The following CHD3 variants were observed in gnomAD, a reference collection of about 807,000 sequenced individuals.
CHD3 encodes the protein chromodomain helicase DNA binding protein 3.
In CHD3, 52 loss-of-function variants were observed where a neutral mutation model predicts 248.9. The ratio of observed to expected loss-of-function variants is 0.21; its 90% CI spans 0.17 to 0.26. The LOEUF (loss-of-function observed/expected upper bound fraction) is 0.26. Among genes scored for constraint, CHD3 ranks in the 10% least tolerant of loss-of-function variants. CHD3 has a pLI of 1.00. For missense variants in CHD3, 1,482 were observed against 2,605.8 expected (o/e 0.57, Z 9.39); for synonymous variants, 985 against 985.2 (o/e 1.00, Z 0.00).
At chr17:7,898,820 A>G (rs939454982) in intron 13 of CHD3, among the ~76,000 whole-genome samples, 191 bp from the exon 14 acceptor site, 10 of 152,056 alleles carry the variant, frequency 6.6e-5, no homozygotes, top group Admixed American at 1.3e-4. Flanking sequence ...GCCCTTCCCC[A>G]TGGTGCTGCT....
At position 7,905,508 on chromosome 17, in the gene CHD3, A is replaced by C; in HGVS notation, c.4139-113A>C. ...CTTGGGAGAGAATTGGGAGCACCTC[A>C]AACGTGACAGGAATGTTCCTGTGTT... On this transcript the variant is annotated intron_variant, in intron 26 of 39. Coordinates refer to ENST00000330494, the MANE Select transcript of CHD3 (RefSeq NM_001005273.3). The surrounding 1 kb of genome is among the most constrained non-coding windows in gnomAD (Gnocchi z 5.8). 1.2e-6 allele frequency: 1 copy of C among 816,486 alleles called. No homozygotes were observed. The highest frequency in any genetic ancestry group is 1.9e-6 in the Non-Finnish European group (1 of 520,072). The allele number at this position is 816,486 out of a possible 1,614,324, so 50.6% of individuals were successfully genotyped here.
chr17:7,894,468 G>T lies in CHD3; in HGVS notation c.1129G>T (p.Asp377Tyr). ...GEEEVDGYETDHQDYCEVCQQ... is the reference protein window; with the variant it reads ...GEEEVDGYETYHQDYCEVCQQ... Reference sequence around the variant, plus strand: ...GGAGGAGGTTGATGGCTACGAGACGGATCACCAGGATTACTGTGAGGTGTG... The same window carrying T: ...GGAGGAGGTTGATGGCTACGAGACGTATCACCAGGATTACTGTGAGGTGTG... The change falls in exon 8 of 40, where the codon GAT (aspartate) becomes TAT (tyrosine). Residue 377 changes from aspartate to tyrosine, a missense_variant. Asp to Tyr is a radical substitution (Grantham distance 160). This residue lies in a region of CHD3 where 138 missense variants were observed against 241.1 expected (regional missense o/e 0.57). Coordinates refer to ENST00000330494, the MANE Select transcript of CHD3 (RefSeq NM_001005273.3). 1 of 1,614,110 alleles carries T rather than the reference G, an allele frequency of 6.2e-7. No individual in the cohort carries two copies. Among genetic ancestry groups the T allele is most frequent in the Non-Finnish European group, 8.5e-7 (1 of 1,180,004 alleles).
Position 7,899,029 on chromosome 17 carries a change from A to T in CHD3, c.2170A>T (p.Thr724Ser), listed in dbSNP as rs762324024. The T allele has an allele frequency of 1.2e-6, 2 of 1,614,024 alleles. No individual in the cohort carries two copies. Among genetic ancestry groups the T allele is most frequent in the East Asian group, 4.5e-5 (2 of 44,878 alleles). Residue 724 changes from threonine to serine, a missense_variant, in exon 14 of 40, where the codon ACT becomes TCT. Physicochemically the swap from Thr to Ser is moderately conservative, Grantham distance 58 (BLOSUM62 1). Around this residue, in one of 20 missense-constraint regions of CHD3, gnomAD observed 127 missense variants for 188.3 expected, o/e 0.67. Coordinates refer to ENST00000330494, the MANE Select transcript of CHD3 (RefSeq NM_001005273.3). The surrounding 1 kb of genome is among the most constrained non-coding windows in gnomAD (Gnocchi z 6.8). ...TCTATAGCCTACCGTGAAATATGAG[A>T]CTCAGCCACGGTTTATCACAGCCAC... The part of the protein sequence containing the change: ...PTNDPTVKYE[T>S]QPRFITATGG...
chr17:7,910,600 C>G lies in CHD3; in HGVS notation c.5754+9C>G. 1 of 1,602,394 alleles carries G rather than the reference C, an allele frequency of 6.2e-7. No homozygotes were observed. Among genetic ancestry groups the G allele is most frequent in the Non-Finnish European group, 8.5e-7 (1 of 1,175,344 alleles). On this transcript the variant is annotated intron_variant, in intron 38 of 39. Coordinates refer to ENST00000330494, the MANE Select transcript of CHD3 (RefSeq NM_001005273.3). The surrounding 1 kb of genome is among the most constrained non-coding windows in gnomAD (Gnocchi z 4.7). The stretch of plus-strand genomic sequence containing the variant: ...AGCCTCACCCCACACCGGTAACCCT[C>G]TTTCCCCCTAGCTCCAGTTTTCCCT...
chr17:7,891,020 T>C lies in CHD3; in HGVS notation c.465T>C (p.Asp155=). 6.2e-7 allele frequency: 1 copy of C among 1,613,584 alleles called. No individual in the cohort carries two copies. The highest frequency in any genetic ancestry group is 1.7e-5 in the Admixed American group (1 of 59,976). The change falls in exon 4 of 40, where the codon GAT becomes GAC. Residue 155 remains aspartate (D), a synonymous_variant. Coordinates refer to ENST00000330494, the MANE Select transcript of CHD3 (RefSeq NM_001005273.3). ...EDVEHVFSEE[D]YHTLTNYKAF... is the part of the protein sequence containing the mutation. ...TGGAGCATGTGTTCTCTGAGGAGGA[T>C]TACCACACGCTCACCAACTACAAAG...
chr17:7,909,385 G>A lies in CHD3; in HGVS notation c.5590+47G>A. 4 of 1,498,940 alleles carry A rather than the reference G, an allele frequency of 2.7e-6. No individual in the cohort carries two copies. Among genetic ancestry groups the A allele is most frequent in the Non-Finnish European group, 3.6e-6 (4 of 1,121,828 alleles). 92.9% of individuals were successfully genotyped at this position (1,498,940 alleles called of 1,614,324 possible). Reference sequence around the variant, plus strand: ...CGCGGGGGAGGGCCCACAACGCTGCGTAAGTCTTCACCCCGCACCCCTCAA... The same window carrying A: ...CGCGGGGGAGGGCCCACAACGCTGCATAAGTCTTCACCCCGCACCCCTCAA... On this transcript the variant is annotated intron_variant, in intron 37 of 39. Transcript: ENST00000330494. The surrounding 1 kb of genome is among the most constrained non-coding windows in gnomAD (Gnocchi z 8.1).
Position 7,910,297 on chromosome 17 carries a change from G to C in CHD3, c.5591-131G>C. On this transcript the variant is annotated intron_variant, in intron 37 of 39. Coordinates refer to ENST00000330494, the MANE Select transcript of CHD3 (RefSeq NM_001005273.3). The surrounding 1 kb of genome is among the most constrained non-coding windows in gnomAD (Gnocchi z 4.7). ...TTACTTTCTTGATCTCTGGTTCTTT[G>C]ACATCTGTGTTCTCCTCTCTCGCTC... is the stretch of plus-strand genomic sequence containing the variant. 1 of 1,079,442 alleles carries C rather than the reference G, an allele frequency of 9.3e-7. No individual in the cohort carries two copies. The highest frequency in any genetic ancestry group is 1.4e-6 in the Non-Finnish European group (1 of 710,638). 66.9% of individuals were successfully genotyped at this position (1,079,442 alleles called of 1,614,324 possible). A position where few individuals can be genotyped will look rare whatever the true frequency, so the allele number is the denominator to read the frequency against.
rs775654737 is a variant in CHD3 at position 7,893,855 on chromosome 17, A to G, written c.844A>G (p.Lys282Glu). The change falls in exon 6 of 40, where the codon AAG becomes GAG. Residue 282 changes from lysine to glutamate, a missense_variant. Lys to Glu is a moderately conservative substitution (Grantham distance 56, BLOSUM62 1). This residue lies in a region of CHD3 where 149 missense variants were observed against 182.6 expected (regional missense o/e 0.82). Coordinates refer to ENST00000330494, the MANE Select transcript of CHD3 (RefSeq NM_001005273.3). The part of the protein sequence containing the change: ...SKSPRVPDGR[K>E]KLRGKKMAPL... ...GAGCCCCCGAGTGCCTGATGGACGC[A>G]AGAAGCTTCGGGGAAAGAAAATGGC... 2 of 1,613,726 alleles carry G rather than the reference A, an allele frequency of 1.2e-6. No homozygotes were observed. The highest frequency in any genetic ancestry group is 8.5e-7 in the Non-Finnish European group (1 of 1,179,872).
Position 7,910,553 on chromosome 17 carries a change from C to A in CHD3, c.5716C>A (p.Arg1906=), listed in dbSNP as rs751126466. 31 of 1,612,468 alleles carry A rather than the reference C, an allele frequency of 1.9e-5. No individual in the cohort carries two copies. The highest frequency in any genetic ancestry group is 4.0e-5 in the African/African-American group (3 of 74,924). The change falls in exon 38 of 40, where the codon CGG becomes AGG. Residue 1906 remains arginine (R), a synonymous_variant. Coordinates refer to ENST00000330494, the MANE Select transcript of CHD3 (RefSeq NM_001005273.3). The surrounding 1 kb of genome is among the most constrained non-coding windows in gnomAD (Gnocchi z 4.7). ...GATGTCCGAGCGCAGCATCCTCAGCCGGCTGGCCAGCAAGGGCACGGAGCC... is the reference window on the plus strand; with the variant it reads ...GATGTCCGAGCGCAGCATCCTCAGCAGGCTGGCCAGCAAGGGCACGGAGCC... ...LQMSERSILS[R]LASKGTEPHP... is the part of the protein sequence containing the mutation.
At position 7,904,758 on chromosome 17, in the gene CHD3, A is replaced by G. The variant is rs1970713824; in HGVS notation, c.4072+139A>G. On this transcript the variant is annotated intron_variant, in intron 25 of 39. Transcript: ENST00000330494. The surrounding 1 kb of genome is among the most constrained non-coding windows in gnomAD (Gnocchi z 4.4). The stretch of plus-strand genomic sequence containing the variant: ...CTGCTAAAAGGGAAAGACATAAGGT[A>G]GAGTCATTAGGAACTACCCAGAGGC... The G allele has an allele frequency of 1.1e-6, 1 of 872,180 alleles. No individual in the cohort carries two copies. The highest frequency in any genetic ancestry group is 2.7e-5 in the East Asian group (1 of 37,414). 54.0% of individuals were successfully genotyped at this position (872,180 alleles called of 1,614,324 possible). A position where few individuals can be genotyped will look rare whatever the true frequency, so the allele number is the denominator to read the frequency against.
chr17:7,894,897 G>A lies in CHD3; in HGVS notation c.1270-20G>A, dbSNP rs768816748. ...CTTAATTTCTTCCATCTGTCTGTGTGTCTATCCTTGGCCCCCTAGGAGAAG... is the reference window on the plus strand; with the variant it reads ...CTTAATTTCTTCCATCTGTCTGTGTATCTATCCTTGGCCCCCTAGGAGAAG... On this transcript the variant is annotated intron_variant, in intron 8 of 39. Coordinates refer to ENST00000330494, the MANE Select transcript of CHD3 (RefSeq NM_001005273.3). 3.1e-6 allele frequency: 5 copies of A among 1,611,688 alleles called. No individual in the cohort carries two copies. The highest frequency in any genetic ancestry group is 4.2e-6 in the Non-Finnish European group (5 of 1,179,418).
At position 7,907,304 on chromosome 17, in the gene CHD3, G is replaced by A. The variant is rs372817877; in HGVS notation, c.4789-49G>A. 4.6e-4 allele frequency: 736 copies of A among 1,612,894 alleles called. 8 individuals are homozygous for A. In the South Asian group the frequency reaches 7.7e-3, roughly 17 times the overall value. ...GGGAGGGGAGGGGGCTTGGAGGCCAGGTACCTGGGAGCCCTCTGGCTCATC... is the reference window on the plus strand; with the variant it reads ...GGGAGGGGAGGGGGCTTGGAGGCCAAGTACCTGGGAGCCCTCTGGCTCATC... On this transcript the variant is annotated intron_variant, in intron 31 of 39. Transcript: ENST00000330494. The surrounding 1 kb of genome is among the most constrained non-coding windows in gnomAD (Gnocchi z 4.3).
chr17:7,902,293 A>T (rs1310890841), intron 20 of CHD3, among the ~76,000 whole-genome samples: 2 of 151,998 alleles, frequency 1.3e-5, no homozygotes, highest in Non-Finnish European at 2.9e-5. Flanking sequence ...GTGGTGGCGC[A>T]CACCTGTAGT....
chr17:7,889,773 G>A lies in CHD3; in HGVS notation c.210G>A (p.Lys70=). 6.2e-7 allele frequency: 1 copy of A among 1,608,788 alleles called. No homozygotes were observed. The highest frequency in any genetic ancestry group is 1.1e-5 in the South Asian group (1 of 90,384). The part of the protein sequence containing the change: ...NKPGKPRKRK[K]RDSEEEFGSE... ...CAGGAAAACCCCGAAAACGCAAGAAGCGTGTAAGTGTCAAGAATTCCTAAC... is the reference window on the plus strand; with the variant it reads ...CAGGAAAACCCCGAAAACGCAAGAAACGTGTAAGTGTCAAGAATTCCTAAC... The change falls in exon 2 of 40, where the codon AAG becomes AAA. Residue 70 remains lysine, a synonymous_variant. Coordinates refer to ENST00000330494, the MANE Select transcript of CHD3 (RefSeq NM_001005273.3). This position sits in a 1 kb window ranked among gnomAD's most constrained non-coding sequence, Gnocchi z 4.5.
Position 7,903,202 on chromosome 17 carries a change from G to A in CHD3, c.3496-70G>A, listed in dbSNP as rs1050245054. The A allele has an allele frequency of 7.0e-6, 11 of 1,580,936 alleles. No individual in the cohort carries two copies. Among genetic ancestry groups the A allele is most frequent in the Non-Finnish European group, 8.7e-6 (10 of 1,154,514 alleles). On this transcript the variant is annotated intron_variant, in intron 22 of 39. Transcript: ENST00000330494. This position sits in a 1 kb window ranked among gnomAD's most constrained non-coding sequence, Gnocchi z 6.8. Reference sequence around the variant, plus strand: ...CTTCTTCAGCAGCCTTCTTTCCTGAGGCAGCTCTATGGGCAGCTTCTCCCC... The same window carrying A: ...CTTCTTCAGCAGCCTTCTTTCCTGAAGCAGCTCTATGGGCAGCTTCTCCCC...
chr17:7,894,062 G>A (rs1969301545), intron 6 of CHD3, 53 bp from the exon 7 acceptor site: 6 of 1,457,094 alleles, frequency 4.1e-6, no homozygotes, highest in African/African-American at 1.5e-5. Flanking sequence ...CAAAGGCCTG[G>A]GGAGGGCGTA....
At position 7,908,933 on chromosome 17, in the gene CHD3, GTGAT is replaced by G; in HGVS notation, c.5394+105_5394+108del. The G allele has an allele frequency of 2.0e-6, 3 of 1,513,898 alleles. No individual in the cohort carries two copies. The highest frequency in any genetic ancestry group is 2.4e-5 in the South Asian group (2 of 83,260). 93.8% of individuals were successfully genotyped at this position (1,513,898 alleles called of 1,614,324 possible). A position where few individuals can be genotyped will look rare whatever the true frequency, so the allele number is the denominator to read the frequency against. On this transcript the variant is annotated intron_variant, in intron 36 of 39. Coordinates refer to ENST00000330494, the MANE Select transcript of CHD3 (RefSeq NM_001005273.3). The surrounding 1 kb of genome is among the most constrained non-coding windows in gnomAD (Gnocchi z 5.8). ...GAAGGTTAACACCTTCAGGGCTGAGGTGATACCTGGGGCCAAGACCAAAGTGTAA... is the reference window on the plus strand; with the variant it reads ...GAAGGTTAACACCTTCAGGGCTGAGGACCTGGGGCCAAGACCAAAGTGTAA...
Position 7,909,787 on chromosome 17 carries a change from T to C in CHD3, c.5590+449T>C. 1 of 193,398 alleles carries C rather than the reference T, an allele frequency of 5.2e-6. No individual in the cohort carries two copies. The highest frequency in any genetic ancestry group is 1.1e-5 in the Non-Finnish European group (1 of 93,852). 12.0% of individuals were successfully genotyped at this position (193,398 alleles called of 1,614,324 possible). A position where few individuals can be genotyped will look rare whatever the true frequency, so the allele number is the denominator to read the frequency against. ...CTACCACCCATCCAACCCTCTGGCC[T>C]TACCCCATGAAACTTCCCTTTGACC... is the stretch of plus-strand genomic sequence containing the variant. On this transcript the variant is annotated intron_variant, in intron 37 of 39. Coordinates refer to ENST00000330494, the MANE Select transcript of CHD3 (RefSeq NM_001005273.3). This position sits in a 1 kb window ranked among gnomAD's most constrained non-coding sequence, Gnocchi z 8.1.
At position 7,908,033 on chromosome 17, in the gene CHD3, T is replaced by C; in HGVS notation, c.5152+14T>C. The stretch of plus-strand genomic sequence containing the variant: ...GTGGCTTCACAGGTTGGGGAGACTC[T>C]CGCTGCTTTCTGCTCCTCAAGGGGA... On this transcript the variant is annotated intron_variant, in intron 34 of 39. Coordinates refer to ENST00000330494, the MANE Select transcript of CHD3 (RefSeq NM_001005273.3). The surrounding 1 kb of genome is among the most constrained non-coding windows in gnomAD (Gnocchi z 5.8). 1 of 1,586,848 alleles carries C rather than the reference T, an allele frequency of 6.3e-7. No individual in the cohort carries two copies. The highest frequency in any genetic ancestry group is 1.3e-5 in the African/African-American group (1 of 74,254).
Sources: allele counts gnomAD v4.1 joint callset (sites outside exome capture counted in the v4.1 genomes callset), GRCh38; gene constraint gnomAD v4.1.1; regional missense constraint gnomAD v4.1.1; non-coding constraint Gnocchi (gnomAD v3.1); transcripts MANE v1.5; gene names NCBI Gene and HGNC (gene_info 2026-07-23, HGNC 2026-07-21).